Variants in FABP7 observed in about 807,000 individuals in gnomAD.
FABP7 encodes the protein fatty acid-binding protein, brain.
Under a neutral mutation model 14.2 loss-of-function variants are expected in FABP7, and 13 were observed. The observed-to-expected ratio is 0.91, with a 90% confidence interval of 0.59 to 1.45. FABP7 has a LOEUF of 1.45. Among genes scored for constraint, FABP7 ranks in the 40% most tolerant of loss-of-function variants. The pLI is 0.00. For missense variants in FABP7, 149 were observed against 157.6 expected (o/e 0.95, Z 0.29); for synonymous variants, 49 against 51.4 (o/e 0.95, Z 0.20).
the FABP7 span, among the ~76,000 whole-genome samples, chr6:122,773,707 G>A: frequency 1.3e-5 from 2 of 152,106 alleles, no homozygotes; most frequent in South Asian, 4.1e-4. Flanking sequence ...AAGAAATAAT[G>A]TCATAACCTT....
Position 122,779,777 on chromosome 6 carries a change from A to C in FABP7, c.-18A>C. The C allele has an allele frequency of 1.2e-6, 2 of 1,613,910 alleles. No homozygotes were observed. Among genetic ancestry groups the C allele is most frequent in the Non-Finnish European group, 1.7e-6 (2 of 1,179,894 alleles). On this transcript the variant is annotated 5_prime_UTR_variant, in exon 1 of 4. Coordinates refer to ENST00000368444, the MANE Select transcript of FABP7 (RefSeq NM_001446.5). ...AGAAGATCCCCGCTCCTGTCTCTAA[A>C]GAGGGGAAAGGGCAAGGATGGTGGA... is the stretch of plus-strand genomic sequence containing the variant.
the FABP7 span, among the ~76,000 whole-genome samples, chr6:122,766,062 A>G: frequency 1.7e-4 from 26 of 152,014 alleles, no homozygotes; most frequent in Admixed American, 6.6e-4. Context: ...CTTTCCCTCA[A>G]CATGCTGTCA....
chr6:122,764,717 A>G, the FABP7 span, among the ~76,000 whole-genome samples: 7 of 152,074 alleles, frequency 4.6e-5, no homozygotes, highest in Non-Finnish European at 1.0e-4. Context: ...CCCTGCCCAC[A>G]TGCAAGACCC....
At chr6:122,776,886 C>A (rs1271554931), upstream of FABP7, among the ~76,000 whole-genome samples, 1 of 152,134 alleles carries the variant, frequency 6.6e-6, no homozygotes, top group Non-Finnish European at 1.5e-5. Context: ...AACATGTATT[C>A]TTTTCTGCCT....
the FABP7 span, among the ~76,000 whole-genome samples, chr6:122,764,713 C>T: frequency 6.6e-6 from 1 of 152,076 alleles, no homozygotes; most frequent in South Asian, 2.1e-4. Flanking sequence ...TCTTCCCTGC[C>T]CACATGCAAG....
the FABP7 span, among the ~76,000 whole-genome samples, chr6:122,765,963 T>C: frequency 2.6e-5 from 4 of 152,144 alleles, no homozygotes; most frequent in African/African-American, 9.6e-5. Context: ...CTGGATTTGA[T>C]TATATTTTGC....
At chr6:122,769,486 T>G in the FABP7 span, among the ~76,000 whole-genome samples, 1 of 152,126 alleles carries the variant, frequency 6.6e-6, no homozygotes, top group South Asian at 2.1e-4. Flanking sequence ...GTAGCATCAT[T>G]TTACTTGCCT....
chr6:122,780,411 T>G lies in FABP7; in HGVS notation c.194T>G (p.Phe65Cys), dbSNP rs1397733381. The G allele has an allele frequency of 1.2e-6, 2 of 1,614,018 alleles. No homozygotes were observed. The highest frequency in any genetic ancestry group is 1.7e-6 in the Non-Finnish European group (2 of 1,180,004). The stretch of plus-strand genomic sequence containing the variant: ...ACATTCAAGAACACGGAGATTAGTT[T>G]CCAGCTGGGAGAAGAGTTTGATGAA... The part of the protein sequence containing the change: ...LSTFKNTEIS[F>C]QLGEEFDETT... Residue 65 changes from phenylalanine (F) to cysteine (C), a missense_variant, in exon 2 of 4, where the codon TTC (phenylalanine) becomes TGC (cysteine). By Grantham distance (205) the Phe-to-Cys change is radical (BLOSUM62 -2). Transcript: ENST00000368444.
the FABP7 span, among the ~76,000 whole-genome samples, chr6:122,753,797 C>CCCG: frequency 1.9e-5 from 2 of 106,030 alleles, no homozygotes; most frequent in Admixed American, 8.9e-5. Flanking sequence ...CCCCCCCCGC[C>CCCG]CACAGAAGTT....
the FABP7 span, among the ~76,000 whole-genome samples, chr6:122,763,613 T>G: frequency 6.6e-6 from 1 of 152,160 alleles, no homozygotes; most frequent in Non-Finnish European, 1.5e-5. Flanking sequence ...ACCTACAGAA[T>G]GGGAGAAAAT....
the FABP7 span, among the ~76,000 whole-genome samples, chr6:122,766,745 C>T: frequency 6.6e-6 from 1 of 151,848 alleles, no homozygotes; most frequent in Non-Finnish European, 1.5e-5. Flanking sequence ...GACAACAATA[C>T]ACAGTATGGT....
chr6:122,778,404 G>A (rs7769891), upstream of FABP7, among the ~76,000 whole-genome samples: 8 of 152,182 alleles, frequency 5.3e-5, no homozygotes, highest in Non-Finnish European at 1.0e-4. Flanking sequence ...TTGAGACACC[G>A]AAGAAGAATC....
chr6:122,783,081 C>T (rs780574501), intron 3 of FABP7: 1 of 985,374 alleles, frequency 1.0e-6, no homozygotes, highest in Non-Finnish European at 1.2e-6. Flanking sequence ...ACATGAAAAC[C>T]ATGAGCACCA....
chr6:122,774,590 T>A, the FABP7 span, among the ~76,000 whole-genome samples: 3 of 151,944 alleles, frequency 2.0e-5, no homozygotes, highest in Non-Finnish European at 2.9e-5. Context: ...GTCAAAAATG[T>A]CAGTATATGG....
At chr6:122,770,963 C>T in the FABP7 span, among the ~76,000 whole-genome samples, 2 of 152,124 alleles carry the variant, frequency 1.3e-5, no homozygotes, top group African/African-American at 2.4e-5. Context: ...ATAACTTGTG[C>T]AATATACTTG....
At chr6:122,770,748 G>T in the FABP7 span, among the ~76,000 whole-genome samples, 3 of 152,008 alleles carry the variant, frequency 2.0e-5, no homozygotes, top group Non-Finnish European at 4.4e-5. Flanking sequence ...TACTACTATA[G>T]AATATTTTCA....
chr6:122,753,101 G>C, the FABP7 span, among the ~76,000 whole-genome samples: 1 of 152,166 alleles, frequency 6.6e-6, no homozygotes, highest in Admixed American at 6.5e-5. Flanking sequence ...GTTTCTCTCT[G>C]GCTTTATAAT....
At chr6:122,771,881 A>G in the FABP7 span, among the ~76,000 whole-genome samples, 4 of 152,182 alleles carry the variant, frequency 2.6e-5, no homozygotes, top group Non-Finnish European at 4.4e-5. Context: ...GTATATTTCT[A>G]TATTTGTTCA....
upstream of FABP7, among the ~76,000 whole-genome samples, chr6:122,778,433 G>T (rs552946628): frequency 6.6e-6 from 1 of 152,186 alleles, no homozygotes; most frequent in South Asian, 2.1e-4. Context: ...GCCACCTAGC[G>T]TAGGAGGCCT....
Sources: allele counts gnomAD v4.1 joint callset (sites outside exome capture counted in the v4.1 genomes callset), GRCh38; gene constraint gnomAD v4.1.1; transcripts MANE v1.5; gene names NCBI Gene and HGNC (gene_info 2026-07-23, HGNC 2026-07-21).